Variants in SAMD5 observed in about 807,000 individuals in gnomAD.
SAMD5 encodes sterile alpha motif domain containing 5, also known as sterile alpha motif domain-containing protein 5.
A neutral mutation model predicts 11.3 loss-of-function variants in SAMD5; 13 were observed. The observed-to-expected ratio is 1.15, with a 90% CI of 0.75 to 1.83. The LOEUF (loss-of-function observed/expected upper bound fraction) is 1.83, where lower values mean the gene tolerates loss of function less well. Ranked by LOEUF, SAMD5 falls within the 40% of genes most tolerant of loss-of-function variation. SAMD5 has a pLI of 0.00. For missense variants in SAMD5, 255 were observed against 239.1 expected (o/e 1.07, Z -0.44); for synonymous variants, 129 against 111.3 (o/e 1.16, Z -1.00).
chr6:147,738,562 A>T (rs1198055409), downstream of SAMD5, among the ~76,000 whole-genome samples: 1 of 152,244 alleles, frequency 6.6e-6, no homozygotes, highest in Admixed American at 6.5e-5. Flanking sequence ...TGAGCTTGTT[A>T]TTCTACATAT....
chr6:147,526,431 A>G (rs1788341230), intron 1 of SAMD5, among the ~76,000 whole-genome samples: 1 of 152,236 alleles, frequency 6.6e-6, no homozygotes, highest in Admixed American at 6.5e-5. Flanking sequence ...AGATCCATCC[A>G]TTCATAGATA....
chr6:147,549,403 T>A (rs1788733482), intron 1 of SAMD5, among the ~76,000 whole-genome samples: 1 of 152,192 alleles, frequency 6.6e-6, no homozygotes, highest in African/African-American at 2.4e-5. Context: ...CACTCATACA[T>A]GTATGAACAG....
intron 1 of SAMD5, among the ~76,000 whole-genome samples, chr6:147,526,805 G>T (rs1430424377): frequency 2.0e-5 from 3 of 152,226 alleles, no homozygotes; most frequent in Non-Finnish European, 4.4e-5. Flanking sequence ...ACTTTGGGCG[G>T]CAATGGGATG....
At chr6:147,642,666 A>T (rs1162481077) in intron 1 of SAMD5, among the ~76,000 whole-genome samples, 1 of 152,230 alleles carries the variant, frequency 6.6e-6, no homozygotes, top group African/African-American at 2.4e-5. Flanking sequence ...ACAGTGTTTT[A>T]TTGAAACATC....
Position 147,566,606 on chromosome 6 carries a change from T to C in SAMD5, c.*2150T>C. 1.0e-6 allele frequency: 1 copy of C among 979,966 alleles called. No homozygotes were observed. Among genetic ancestry groups the C allele is most frequent in the Non-Finnish European group, 1.2e-6 (1 of 824,572 alleles). The allele number at this position is 979,966 out of a possible 1,614,324, so 60.7% of individuals were successfully genotyped here. ...AGTTTTATTTTCTATTAGAGTAATA[T>C]CTAACTTCAATTATTTTGCCAGGTT... On this transcript the variant is annotated 3_prime_UTR_variant, in exon 2 of 2. Transcript: ENST00000367474.
intron 1 of SAMD5, among the ~76,000 whole-genome samples, chr6:147,661,997 G>T (rs1475235859): frequency 2.0e-5 from 3 of 152,144 alleles, no homozygotes; most frequent in African/African-American, 4.8e-5. Flanking sequence ...CCATTCTGTA[G>T]CCCTTGAAGT....
the SAMD5 span, among the ~76,000 whole-genome samples, chr6:147,926,151 T>A: frequency 2.6e-5 from 4 of 152,216 alleles, no homozygotes; most frequent in Non-Finnish European, 5.9e-5. Flanking sequence ...TCAACATTCA[T>A]GTGCATGTAT....
At chr6:147,782,511 A>G in the SAMD5 span, among the ~76,000 whole-genome samples, 1 of 152,226 alleles carries the variant, frequency 6.6e-6, no homozygotes, top group African/African-American at 2.4e-5. Context: ...TAATTCAGCC[A>G]TGACATCCTA....
intron 1 of SAMD5, among the ~76,000 whole-genome samples, chr6:147,635,273 A>G (rs1297042322): frequency 2.6e-5 from 4 of 152,132 alleles, no homozygotes; most frequent in Non-Finnish European, 5.9e-5. Context: ...CATTTGTCAA[A>G]CACCTATTAA....
At chr6:147,682,713 G>A (rs910935968) in intron 1 of SAMD5, among the ~76,000 whole-genome samples, 1 of 152,158 alleles carries the variant, frequency 6.6e-6, no homozygotes, top group African/African-American at 2.4e-5. Context: ...TTTTGAATTA[G>A]CTGCTGAGAA....
chr6:147,522,100 T>C (rs1377422748), intron 1 of SAMD5, among the ~76,000 whole-genome samples: 1 of 152,158 alleles, frequency 6.6e-6, no homozygotes, highest in African/African-American at 2.4e-5. Flanking sequence ...GTATGTGATA[T>C]AAGGTAAAGC....
chr6:147,651,480 T>C (rs1790482179), intron 1 of SAMD5, among the ~76,000 whole-genome samples: 1 of 152,082 alleles, frequency 6.6e-6, no homozygotes, highest in Non-Finnish European at 1.5e-5. Context: ...GGTGGGGCCT[T>C]TGGGGAGGTT....
the SAMD5 span, among the ~76,000 whole-genome samples, chr6:147,818,588 A>G: frequency 2.0e-5 from 3 of 152,212 alleles, no homozygotes; most frequent in South Asian, 2.1e-4. Flanking sequence ...AAATGCCCAC[A>G]TGCATTATTT....
intron 1 of SAMD5, among the ~76,000 whole-genome samples, chr6:147,563,807 C>A (rs543689130): frequency 6.6e-6 from 1 of 152,336 alleles, no homozygotes; most frequent in South Asian, 2.1e-4. Flanking sequence ...TAACCTCTTT[C>A]CAGCTCACGT....
chr6:147,831,003 A>G, the SAMD5 span, among the ~76,000 whole-genome samples: 9 of 152,220 alleles, frequency 5.9e-5, no homozygotes, highest in Admixed American at 5.9e-4. Context: ...CATCTCACAA[A>G]CATAAAAGCT....
intron 1 of SAMD5, among the ~76,000 whole-genome samples, chr6:147,621,461 A>G (rs980368825): frequency 6.2e-5 from 5 of 80,728 alleles, no homozygotes; most frequent in Admixed American, 5.7e-4. Flanking sequence ...TGATGCTTAC[A>G]GCTGCAGCCA....
chr6:147,654,900 T>A (rs1790543513), intron 1 of SAMD5, among the ~76,000 whole-genome samples: 1 of 152,166 alleles, frequency 6.6e-6, no homozygotes, highest in South Asian at 2.1e-4. Flanking sequence ...AGCATCTGGG[T>A]CAGCCTGGGG....
Position 147,557,197 on chromosome 6 carries a change from T to C in SAMD5, c.460-7197T>C, listed in dbSNP as rs182472763. ...ATTAAATATAACTAAATAAGCATCA[T>C]GCATAACATTTTATATTCTGAATAA... On this transcript the variant is annotated intron_variant, in intron 1 of 1. Transcript: ENST00000367474. Among the ~76,000 whole-genome samples the C allele has an allele frequency of 3.3e-5, 5 of 152,354 alleles. No individual in the cohort carries two copies. The East Asian group carries it at 9.6e-4, about 29-fold the overall frequency.
At chr6:147,871,750 G>A in the SAMD5 span, among the ~76,000 whole-genome samples, 2 of 152,160 alleles carry the variant, frequency 1.3e-5, no homozygotes, top group Non-Finnish European at 2.9e-5. Flanking sequence ...GCAGTATTAG[G>A]AAAAGGCATG....
Sources: allele counts gnomAD v4.1 joint callset (sites outside exome capture counted in the v4.1 genomes callset), GRCh38; gene constraint gnomAD v4.1.1; transcripts MANE v1.5; gene names NCBI Gene and HGNC (gene_info 2026-07-23, HGNC 2026-07-21).